The following C4orf50 variants were observed in gnomAD, a reference collection of about 807,000 sequenced individuals.
C4orf50 encodes the protein uncharacterized protein C4orf50.
Under a neutral mutation model 77.2 loss-of-function variants are expected in C4orf50, and 80 were observed. The ratio of observed to expected loss-of-function variants is 1.04; its 90% CI spans 0.87 to 1.25. C4orf50 has a LOEUF of 1.25. Ranked by LOEUF, C4orf50 falls within the 50% of genes most tolerant of loss-of-function variation. The pLI is 0.00. For synonymous variants in C4orf50, 532 were observed against 465.3 expected (o/e 1.14, Z -1.84); for missense variants, 1,257 against 1,152.9 (o/e 1.09, Z -1.31).
intron 25 of C4orf50, among the ~76,000 whole-genome samples, chr4:5,995,474 A>AACACACACACAC (rs55858229): frequency 0.025 from 3,312 of 133,994 alleles, 98 homozygotes; most frequent in Admixed American, 0.081. Flanking sequence ...TGGGACTGGA[A>AACACACACACAC]ACACACACAC....
At chr4:5,999,444 C>G (rs578018810) in intron 25 of C4orf50, among the ~76,000 whole-genome samples, 3 of 152,302 alleles carry the variant, frequency 2.0e-5, no homozygotes, top group East Asian at 3.9e-4. Context: ...AGTCGGCTTT[C>G]GTGATGATTT....
In C4orf50 at chr4:5,959,342, C is replaced by G. The variant is rs748123242; in HGVS notation, c.*33G>C. ...GTTCTGCTTCAAATATTTATGGAGT[C>G]TATGAAATGGCTCCGGAGAATGAGT... On this transcript the variant is annotated 3_prime_UTR_variant, in exon 34 of 34. Transcript: ENST00000531445. The G allele has an allele frequency of 1.2e-5, 19 of 1,600,390 alleles. No individual in the cohort carries two copies. The South Asian group carries it at 2.1e-4, about 18-fold the overall frequency.
chr4:5,906,158 C>T (rs1395267103), intron 7 of C4orf50, among the ~76,000 whole-genome samples: 1 of 151,182 alleles, frequency 6.6e-6, no homozygotes, highest in Non-Finnish European at 1.5e-5. Context: ...AACAGAGAAG[C>T]AAAGAGTGAT....
chr4:5,903,359 G>C (rs1029267383), intron 7 of C4orf50: 2 of 152,148 alleles, frequency 1.3e-5, no homozygotes, highest in Admixed American at 1.3e-4. Context: ...GTTCATAGGA[G>C]CAATACTCAC....
chr4:6,004,737 ATGATGGTGATGATGG>A (rs1481680851), intron 25 of C4orf50, among the ~76,000 whole-genome samples: 1 of 143,626 alleles, frequency 7.0e-6, no homozygotes. Flanking sequence ...GATGATAGTG[ATGATGGTGATGATGG>A]TGATGGTGAT....
intron 25 of C4orf50, among the ~76,000 whole-genome samples, chr4:6,006,090 G>A (rs1722240704): frequency 6.6e-6 from 1 of 152,110 alleles, no homozygotes; most frequent in Non-Finnish European, 1.5e-5. Context: ...ATGAACATAA[G>A]GAGGAAGAAC....
intron 7 of C4orf50, among the ~76,000 whole-genome samples, chr4:5,910,098 A>T (rs1232857500): frequency 2.1e-5 from 3 of 144,772 alleles, no homozygotes; most frequent in Non-Finnish European, 3.1e-5. Flanking sequence ...TTTGGGTAGT[A>T]TGATAATTTT....
rs1357387994 is a variant in C4orf50, at chr4:6,017,180, A to G, written c.287+965T>C. On this transcript the variant is annotated intron_variant, in intron 23 of 33. Coordinates refer to ENST00000531445, the Ensembl canonical transcript of C4orf50. The surrounding 1 kb of genome is among the most constrained non-coding windows in gnomAD (Gnocchi z 4.7). Reference sequence around the variant, plus strand: ...AGAGAGAAACGAATGCGGAGAACCTATTTCAAAGATGACAGCAGAGTCCAA... The same window carrying G: ...AGAGAGAAACGAATGCGGAGAACCTGTTTCAAAGATGACAGCAGAGTCCAA... Among the ~76,000 whole-genome samples, 1 of 152,232 alleles carries G rather than the reference A, an allele frequency of 6.6e-6. No homozygotes were observed. Among genetic ancestry groups the G allele is most frequent in the Non-Finnish European group, 1.5e-5 (1 of 68,040 alleles).
chr4:5,952,512 G>A (rs534581834), downstream of C4orf50, among the ~76,000 whole-genome samples: 2 of 152,192 alleles, frequency 1.3e-5, no homozygotes, highest in East Asian at 1.9e-4. This position sits in a 1 kb window ranked among gnomAD's most constrained non-coding sequence, Gnocchi z 4.4. Context: ...GGCCCCAGGC[G>A]GCACAGTCAA....
chr4:5,969,030 G>A (rs78420507), intron 31 of C4orf50, among the ~76,000 whole-genome samples: 3,581 of 152,262 alleles, frequency 0.024, 60 homozygotes, highest in South Asian at 0.035. Context: ...GGCCAAGTCC[G>A]TTGAATTCTC....
chr4:5,989,046 G>C (rs1721085611), exon 28 of C4orf50: 1 of 1,535,908 alleles, frequency 6.5e-7, no homozygotes, highest in Non-Finnish European at 8.7e-7. Flanking sequence ...CAAGGTCAGA[G>C]ATTGCCTGTA....
At chr4:5,985,434 T>C (rs555699449) in intron 28 of C4orf50, among the ~76,000 whole-genome samples, 5 of 151,956 alleles carry the variant, frequency 3.3e-5, no homozygotes, top group Admixed American at 6.5e-5. Flanking sequence ...AGTTAAACTA[T>C]TGAAAAATTT....
chr4:5,922,155 C>G (rs979548925), intron 7 of C4orf50, among the ~76,000 whole-genome samples: 12 of 152,162 alleles, frequency 7.9e-5, no homozygotes, highest in African/African-American at 2.9e-4. Flanking sequence ...TGGAGGCTGT[C>G]AGAGCCCAGA....
chr4:5,985,980 AATAC>A (rs1415324787), intron 28 of C4orf50, among the ~76,000 whole-genome samples: 1 of 152,198 alleles, frequency 6.6e-6, no homozygotes, highest in African/African-American at 2.4e-5. Flanking sequence ...AAAATAAATA[AATAC>A]ATAAAAATTA....
At chr4:6,014,005 G>GGTTTTTTTTTTTTTTTTTTTTT (rs1491482471) in intron 23 of C4orf50, among the ~76,000 whole-genome samples, 1 of 97,376 alleles carries the variant, frequency 1.0e-5, no homozygotes. Flanking sequence ...TAAGTTGTGT[G>GGTTTTTTTTTTTTTTTTTTTTT]TTTTTTTTTT....
intron 29 of C4orf50, among the ~76,000 whole-genome samples, chr4:5,979,154 C>T (rs1394468388): frequency 6.6e-6 from 1 of 152,172 alleles, no homozygotes; most frequent in Non-Finnish European, 1.5e-5. Flanking sequence ...TTACCTATCA[C>T]AGTTAATGAT....
In C4orf50 at chr4:6,008,418, G is replaced by A. The variant is rs560608244; in HGVS notation, c.541C>T (p.Arg181Trp). The A allele has an allele frequency of 6.3e-5, 25 of 395,256 alleles. No individual in the cohort carries two copies. In the South Asian group the frequency reaches 1.5e-3, roughly 24 times the overall value. 24.5% of individuals were successfully genotyped at this position (395,256 alleles called of 1,614,324 possible). A position where few individuals can be genotyped will look rare whatever the true frequency, so the allele number is the denominator to read the frequency against. Reference sequence around the variant, plus strand: ...CCCAGCTGGCGCCGCTGGGTCCGCCGGCAGCGCTCCAGGGCCGCCGCCTGC... The same window carrying A: ...CCCAGCTGGCGCCGCTGGGTCCGCCAGCAGCGCTCCAGGGCCGCCGCCTGC... Residue 181 changes from arginine to tryptophan, a missense_variant, in exon 25 of 34, where the codon CGG becomes TGG. Physicochemically the swap from Arg to Trp is moderately radical, Grantham distance 101. Coordinates refer to ENST00000531445, the Ensembl canonical transcript of C4orf50. This position sits in a 1 kb window ranked among gnomAD's most constrained non-coding sequence, Gnocchi z 6.0.
At position 5,964,380 on chromosome 4, in the gene C4orf50, G is replaced by A. The variant is rs558576763; in HGVS notation, c.4275+644C>T. Among the ~76,000 whole-genome samples, 16 of 152,280 alleles carry A rather than the reference G, an allele frequency of 1.1e-4. No individual in the cohort carries two copies. In the South Asian group the frequency reaches 3.3e-3, roughly 32 times the overall value. On this transcript the variant is annotated intron_variant, in intron 33 of 33. Coordinates refer to ENST00000531445, the Ensembl canonical transcript of C4orf50. Reference sequence around the variant, plus strand: ...TGATGTGAGGAAGATGACCTGCCCTGAGCAGAACAAAGGAAGTCCTCTGTG... The same window carrying A: ...TGATGTGAGGAAGATGACCTGCCCTAAGCAGAACAAAGGAAGTCCTCTGTG...
chr4:6,000,465 C>T lies in C4orf50; in HGVS notation c.964-5989G>A, dbSNP rs1443245136. 6.6e-6 allele frequency among the ~76,000 whole-genome samples: 1 copy of T among 152,098 alleles called. No individual in the cohort carries two copies. Among genetic ancestry groups the T allele is most frequent in the Non-Finnish European group, 1.5e-5 (1 of 68,004 alleles). ...TCCTTTCCAGGCAGCCCTTTTTGACCTCAAGATGCTGTTTGTGGGCCATCA... is the reference window on the plus strand; with the variant it reads ...TCCTTTCCAGGCAGCCCTTTTTGACTTCAAGATGCTGTTTGTGGGCCATCA... On this transcript the variant is annotated intron_variant, in intron 25 of 33. Coordinates refer to ENST00000531445, the Ensembl canonical transcript of C4orf50. The surrounding 1 kb of genome is among the most constrained non-coding windows in gnomAD (Gnocchi z 6.0).
Sources: allele counts gnomAD v4.1 joint callset (sites outside exome capture counted in the v4.1 genomes callset), GRCh38; gene constraint gnomAD v4.1.1; non-coding constraint Gnocchi (gnomAD v3.1); transcripts MANE v1.5; gene names NCBI Gene and HGNC (gene_info 2026-07-23, HGNC 2026-07-21).